The following KYNU variants were observed in gnomAD, a reference collection of about 807,000 sequenced individuals.
KYNU encodes the protein L-kynurenine hydrolase.
KYNU carries 54 observed loss-of-function variants against 59.2 expected under a neutral mutation model. The observed-to-expected ratio is 0.91, with a 90% CI of 0.73 to 1.14. The LOEUF is 1.14. Ranked by LOEUF, KYNU falls within the 50% of genes most tolerant of loss-of-function variation. The pLI is 0.00. For synonymous variants in KYNU, 177 were observed against 192.0 expected (o/e 0.92, Z 0.65); for missense variants, 567 against 554.4 (o/e 1.02, Z -0.23).
intron 2 of KYNU, among the ~76,000 whole-genome samples, chr2:142,917,022 T>C (rs1193659798): frequency 2.0e-5 from 3 of 152,126 alleles, no homozygotes; most frequent in African/African-American, 7.2e-5. Context: ...AAAAATGTAA[T>C]AATATCACAA....
chr2:142,991,746 C>T (rs915386935), intron 10 of KYNU, among the ~76,000 whole-genome samples: 2 of 151,876 alleles, frequency 1.3e-5, no homozygotes, highest in Non-Finnish European at 2.9e-5. Flanking sequence ...CCTTAATCCT[C>T]TTGCCCAAAA....
chr2:142,972,588 G>A (rs958948240), intron 8 of KYNU, among the ~76,000 whole-genome samples: 1 of 152,052 alleles, frequency 6.6e-6, no homozygotes, highest in Non-Finnish European at 1.5e-5. Flanking sequence ...CTAACAGTAA[G>A]TTTTCACCAC....
At chr2:142,956,519 A>AT (rs1469427395) in intron 6 of KYNU, among the ~76,000 whole-genome samples, 1 of 152,200 alleles carries the variant, frequency 6.6e-6, no homozygotes, top group African/African-American at 2.4e-5. Context: ...TTTTAAAGAC[A>AT]TTGAGCAAAC....
At chr2:142,970,245 A>G (rs140775148) in intron 8 of KYNU, among the ~76,000 whole-genome samples, 284 of 152,326 alleles carry the variant, frequency 1.9e-3, no homozygotes, top group Non-Finnish European at 3.2e-3. Flanking sequence ...CAGATAATCT[A>G]TCTTATGGAG....
At chr2:142,923,349 T>G (rs1682945490) in intron 3 of KYNU, among the ~76,000 whole-genome samples, 1 of 152,234 alleles carries the variant, frequency 6.6e-6, no homozygotes, top group Admixed American at 6.5e-5. Flanking sequence ...TTGAAGAATA[T>G]ATTTGTTTTG....
chr2:143,017,418 C>T (rs897185444), intron 10 of KYNU, among the ~76,000 whole-genome samples: 96 of 116,682 alleles, frequency 8.2e-4, no homozygotes, highest in Middle Eastern at 8.5e-3. Flanking sequence ...GTTTTTTGAC[C>T]TTTTCTCTCT....
chr2:142,915,828 A>T (rs567241446), intron 2 of KYNU, among the ~76,000 whole-genome samples: 2 of 152,324 alleles, frequency 1.3e-5, no homozygotes, highest in South Asian at 4.1e-4. Flanking sequence ...ATGTTCCCTA[A>T]AAATTCATGT....
intron 1 of KYNU, among the ~76,000 whole-genome samples, chr2:142,878,398 C>T (rs916984019): frequency 2.4e-4 from 37 of 152,186 alleles, no homozygotes; most frequent in African/African-American, 5.5e-4. Context: ...AATATACACT[C>T]GTAGCAGAGT....
intron 10 of KYNU, among the ~76,000 whole-genome samples, chr2:143,014,771 T>G (rs1156796598): frequency 6.6e-6 from 1 of 152,206 alleles, no homozygotes; most frequent in Non-Finnish European, 1.5e-5. Flanking sequence ...TTCCAAACAA[T>G]AGGATATGAG....
At chr2:142,999,209 T>G (rs561138616) in intron 10 of KYNU, among the ~76,000 whole-genome samples, 2 of 152,202 alleles carry the variant, frequency 1.3e-5, no homozygotes, top group East Asian at 3.9e-4. Context: ...GTCATGATGG[T>G]CTATATCTAC....
At chr2:142,989,288 T>C (rs1035727855) in intron 10 of KYNU, 13 of 710,228 alleles carry the variant, frequency 1.8e-5, no homozygotes, top group Non-Finnish European at 2.1e-5. Context: ...CACGATTAGC[T>C]GGTTTAACTA....
chr2:142,951,035 G>C (rs1289651184), intron 4 of KYNU, among the ~76,000 whole-genome samples: 1 of 152,182 alleles, frequency 6.6e-6, no homozygotes, highest in Admixed American at 6.5e-5. Flanking sequence ...TATTGATTAA[G>C]TTCTCTGTCT....
Position 143,049,839 on chromosome 2 carries a change from C to T in KYNU, c.*7667C>T, listed in dbSNP as rs931192568. The T allele has an allele frequency of 1.3e-5, 2 of 152,000 alleles. No individual in the cohort carries two copies. Among genetic ancestry groups the T allele is most frequent in the Non-Finnish European group, 2.9e-5 (2 of 68,008 alleles). The allele number at this position is 152,000 out of a possible 1,614,324, so 9.4% of individuals were successfully genotyped here. Reference sequence around the variant, plus strand: ...TTTGTAGTTTTGTGATTGATAGCTTCGAACTGCTCATTTACCTTGACCTTT... The same window carrying T: ...TTTGTAGTTTTGTGATTGATAGCTTTGAACTGCTCATTTACCTTGACCTTT... On this transcript the variant is annotated 3_prime_UTR_variant, in exon 14 of 14. Transcript: ENST00000264170.
At chr2:142,901,052 C>CAA (rs34574070) in intron 2 of KYNU, among the ~76,000 whole-genome samples, 14 of 116,498 alleles carry the variant, frequency 1.2e-4, no homozygotes, top group African/African-American at 2.5e-4. Context: ...GACTCCATCT[C>CAA]AAAAAAAAAA....
At chr2:142,926,457 A>G (rs2105011095) in intron 3 of KYNU, among the ~76,000 whole-genome samples, 1 of 152,320 alleles carries the variant, frequency 6.6e-6, no homozygotes, top group East Asian at 1.9e-4. Context: ...TGATCAATAG[A>G]AGTTTGATTA....
chr2:143,046,714 A>C lies in KYNU; in HGVS notation c.*4542A>C, dbSNP rs191575118. The C allele has an allele frequency of 5.3e-4, 80 of 152,162 alleles. No homozygotes were observed. The highest frequency in any genetic ancestry group is 1.8e-3 in the African/African-American group (76 of 41,546). 9.4% of individuals were successfully genotyped at this position (152,162 alleles called of 1,614,324 possible). A position where few individuals can be genotyped will look rare whatever the true frequency, so the allele number is the denominator to read the frequency against. On this transcript the variant is annotated 3_prime_UTR_variant, in exon 14 of 14. Transcript: ENST00000264170. ...AGCAGGGCCTGGCATCTGCTAGATT[A>C]AATCTCTCAGCTTCTTTTTATTAAG... is the stretch of plus-strand genomic sequence containing the variant.
chr2:143,013,909 G>A (rs910068418), intron 10 of KYNU, among the ~76,000 whole-genome samples: 1 of 152,240 alleles, frequency 6.6e-6, no homozygotes, highest in Non-Finnish European at 1.5e-5. Context: ...TCTCCAAGAT[G>A]TGTATGAAAC....
chr2:142,942,946 G>A (rs1038554965), intron 4 of KYNU, among the ~76,000 whole-genome samples: 2 of 152,142 alleles, frequency 1.3e-5, no homozygotes, highest in African/African-American at 4.8e-5. Context: ...TCCCTTACCA[G>A]CTGAATGTCC....
At chr2:142,897,886 TTCTC>T (rs1318593709) in intron 2 of KYNU, among the ~76,000 whole-genome samples, 2 of 152,198 alleles carry the variant, frequency 1.3e-5, no homozygotes, top group Non-Finnish European at 2.9e-5. Flanking sequence ...TTCTTTTTTC[TTCTC>T]TCTATCTTCA....
Sources: gnomAD v4.1 joint callset for allele counts (sites outside exome capture counted in the v4.1 genomes callset) on GRCh38, gnomAD v4.1.1 for gene constraint, MANE v1.5 for transcripts, NCBI Gene and HGNC (gene_info 2026-07-23, HGNC 2026-07-21) for gene names.